The following DRD3 variants were observed in gnomAD, a reference collection of about 807,000 sequenced individuals.
The protein encoded by DRD3 is dopamine receptor D3.
A neutral mutation model predicts 36.3 loss-of-function variants in DRD3; 19 were observed. The ratio of observed to expected loss-of-function variants is 0.52; its 90% CI spans 0.36 to 0.77. The LOEUF is 0.77. Among genes scored for constraint, DRD3 ranks in the 30% least tolerant of loss-of-function variants. The probability of loss-of-function intolerance (pLI) is 0.00; values close to 1 mark genes in which losing one functional copy is unlikely to be tolerated. For missense variants in DRD3, 465 were observed against 505.3 expected (o/e 0.92, Z 0.77); for synonymous variants, 195 against 203.7 (o/e 0.96, Z 0.36).
At chr3:114,173,435 TCTACCCAACTG>T (rs368278593) in intron 1 of DRD3, among the ~76,000 whole-genome samples, 36 of 152,330 alleles carry the variant, frequency 2.4e-4, no homozygotes, top group African/African-American at 8.7e-4. Context: ...CAGGGAATTC[TCTACCCAACTG>T]CTCAGAGCCT....
At chr3:114,155,962 A>G (rs1437534078) in intron 3 of DRD3, among the ~76,000 whole-genome samples, 2 of 151,962 alleles carry the variant, frequency 1.3e-5, no homozygotes, top group Non-Finnish European at 2.9e-5. Flanking sequence ...TCCCAATAAT[A>G]TCATCCATCC....
chr3:114,165,828 G>T (rs1163518314), intron 2 of DRD3, among the ~76,000 whole-genome samples: 1 of 151,944 alleles, frequency 6.6e-6, no homozygotes, highest in Non-Finnish European at 1.5e-5. Context: ...CTATGAAATA[G>T]GGGGTTTGTA....
At chr3:114,189,829 GA>G (rs768557229) in intron 1 of DRD3, among the ~76,000 whole-genome samples, 7 of 152,150 alleles carry the variant, frequency 4.6e-5, no homozygotes, top group Non-Finnish European at 7.4e-5. Flanking sequence ...TCCCCAGCCT[GA>G]ACCCTTGAAC....
chr3:114,147,659 CTG>C lies in DRD3; in HGVS notation c.384-104_384-103del, dbSNP rs1045513642. Reference sequence around the variant, plus strand: ...TTGTTTTTGGAGACAGGGTCTCACTCTGTCACCCAGGCAGAAGTGCAGTGGCA... The same window carrying C: ...TTGTTTTTGGAGACAGGGTCTCACTCTCACCCAGGCAGAAGTGCAGTGGCA... On this transcript the variant is annotated intron_variant, in intron 3 of 6. Coordinates refer to ENST00000383673, the MANE Select transcript of DRD3 (RefSeq NM_000796.6). 4.3e-6 allele frequency: 6 copies of C among 1,408,092 alleles called. No individual in the cohort carries two copies. The African/African-American group carries it at 8.5e-5, about 20-fold the overall frequency. 87.2% of individuals were successfully genotyped at this position (1,408,092 alleles called of 1,614,324 possible).
Position 114,171,922 on chromosome 3 carries a change from C to T in DRD3, c.71G>A (p.Ser24Asn). ...TCGAENSTGA[S>N]QARPHAYYAL... ...ATAGTAGGCATGTGGGCGGGCCTGG[C>T]TGGCACCTGTGGAGTTCTCTGCCCC... The change falls in exon 2 of 7, where the codon AGC becomes AAC. Residue 24 changes from serine to asparagine, a missense_variant. By Grantham distance (46) the Ser-to-Asn change is conservative. Transcript: ENST00000383673. 1 of 1,603,128 alleles carries T rather than the reference C, an allele frequency of 6.2e-7. No homozygotes were observed. The highest frequency in any genetic ancestry group is 8.5e-7 in the Non-Finnish European group (1 of 1,174,328).
intron 5 of DRD3, among the ~76,000 whole-genome samples, chr3:114,134,587 T>C (rs1268247997): frequency 6.6e-6 from 1 of 150,796 alleles, no homozygotes; most frequent in East Asian, 2.0e-4. Flanking sequence ...ACCTGGCTAA[T>C]TTTTGTATTT....
At chr3:114,135,900 T>G (rs979068499) in intron 5 of DRD3, among the ~76,000 whole-genome samples, 3 of 151,916 alleles carry the variant, frequency 2.0e-5, no homozygotes, top group Non-Finnish European at 4.4e-5. Context: ...ACCATGTTGG[T>G]CAGGCTGGTC....
chr3:114,141,053 C>T (rs903438616), intron 4 of DRD3, among the ~76,000 whole-genome samples: 8 of 152,104 alleles, frequency 5.3e-5, no homozygotes, highest in East Asian at 1.9e-4. Context: ...TTTTTTGAGA[C>T]GGAATTTTGC....
chr3:114,157,026 C>A (rs1242841864), intron 3 of DRD3, among the ~76,000 whole-genome samples: 2 of 126,070 alleles, frequency 1.6e-5, no homozygotes, highest in Non-Finnish European at 3.4e-5. Context: ...TTCTTTCTTT[C>A]TTTTTTTCTT....
chr3:114,171,271 C>T (rs913399728), intron 2 of DRD3, among the ~76,000 whole-genome samples: 13 of 151,854 alleles, frequency 8.6e-5, no homozygotes, highest in African/African-American at 3.1e-4. Flanking sequence ...TCTATCTTCC[C>T]TTACATTCAC....
At chr3:114,156,827 CTTTCTTTCCTTT>C (rs1271622999) in intron 3 of DRD3, among the ~76,000 whole-genome samples, 547 of 25,648 alleles carry the variant, frequency 0.021, 6 homozygotes, top group East Asian at 0.039. Context: ...TTTTTTCTTT[CTTTCTTTCCTTT>C]CTTTCTTTTC....
intron 2 of DRD3, among the ~76,000 whole-genome samples, chr3:114,166,923 G>A (rs931578814): frequency 6.6e-5 from 10 of 152,146 alleles, no homozygotes; most frequent in African/African-American, 2.2e-4. Context: ...TGACGAGATC[G>A]TGAGAATCTC....
chr3:114,169,186 A>T (rs1015676904), intron 2 of DRD3, among the ~76,000 whole-genome samples: 3 of 151,912 alleles, frequency 2.0e-5, no homozygotes, highest in Middle Eastern at 3.2e-3. Flanking sequence ...TTAAGGGCTC[A>T]AAGTGCTCTT....
chr3:114,139,746 A>G, intron 4 of DRD3, 50 bp from the exon 5 acceptor site: 1 of 1,567,110 alleles, frequency 6.4e-7, no homozygotes, highest in Non-Finnish European at 8.7e-7. Context: ...ATCAGAACTC[A>G]GTAAGGAGCA....
At chr3:114,175,225 A>G (rs910287203) in intron 1 of DRD3, among the ~76,000 whole-genome samples, 3 of 152,062 alleles carry the variant, frequency 2.0e-5, no homozygotes, top group African/African-American at 7.2e-5. Flanking sequence ...AAGAATCATC[A>G]CTCTAGCATA....
At position 114,156,388 on chromosome 3, in the gene DRD3, C is replaced by G. The variant is rs191283620; in HGVS notation, c.383+3367G>C. 9.2e-5 allele frequency among the ~76,000 whole-genome samples: 14 copies of G among 152,294 alleles called. No homozygotes were observed. The East Asian group carries it at 2.7e-3, about 29-fold the overall frequency. The stretch of plus-strand genomic sequence containing the variant: ...ATCTCTTCTTGACAGCATCTTTCTC[C>G]TGGAATCTTGTGTTCTGTTTGACTC... On this transcript the variant is annotated intron_variant, in intron 3 of 6. Coordinates refer to ENST00000383673, the MANE Select transcript of DRD3 (RefSeq NM_000796.6).
At chr3:114,133,177 A>T (rs1424441978) in intron 5 of DRD3, among the ~76,000 whole-genome samples, 1 of 151,900 alleles carries the variant, frequency 6.6e-6, no homozygotes, top group Non-Finnish European at 1.5e-5. Context: ...TTTAGTAGAG[A>T]TGGGTTTCTC....
chr3:114,147,620 CGTTGTTGTT>C, intron 3 of DRD3, 63 bp from the exon 4 acceptor site: 1 of 1,567,660 alleles, frequency 6.4e-7, no homozygotes, highest in Non-Finnish European at 8.7e-7. Context: ...TTTCTTTCTG[CGTTGTTGTT>C]GTTGTTGTTT....
chr3:114,188,843 C>G (rs1417286240), intron 1 of DRD3, among the ~76,000 whole-genome samples: 1 of 152,110 alleles, frequency 6.6e-6, no homozygotes, highest in African/African-American at 2.4e-5. Context: ...GGAATTTTTG[C>G]TAGCAAGGAA....
Sources: gnomAD v4.1 joint callset for allele counts (sites outside exome capture counted in the v4.1 genomes callset) on GRCh38, gnomAD v4.1.1 for gene constraint, MANE v1.5 for transcripts, NCBI Gene and HGNC (gene_info 2026-07-23, HGNC 2026-07-21) for gene names.